Variants in SDCCAG8 observed in about 807,000 individuals in gnomAD.
The protein encoded by SDCCAG8 is SHH signaling and ciliogenesis regulator SDCCAG8.
In SDCCAG8, 74 loss-of-function variants were observed where a neutral mutation model predicts 101.8. That is an observed-to-expected ratio of 0.73 (90% CI 0.60 to 0.88). The LOEUF (loss-of-function observed/expected upper bound fraction) is 0.88, where lower values mean the gene tolerates loss of function less well. Among genes scored for constraint, SDCCAG8 ranks in the 40% least tolerant of loss-of-function variants. The pLI, the probability that SDCCAG8 is intolerant of heterozygous loss-of-function variation, is 0.00. For missense variants in SDCCAG8, 787 were observed against 822.6 expected (o/e 0.96, Z 0.53); for synonymous variants, 281 against 292.9 (o/e 0.96, Z 0.41).
At chr1:243,492,672 G>A (rs1666853399) in intron 17 of SDCCAG8, among the ~76,000 whole-genome samples, 1 of 138,702 alleles carries the variant, frequency 7.2e-6, no homozygotes, top group Non-Finnish European at 1.5e-5. Flanking sequence ...CAATGGCATG[G>A]TCTTGGCCTA....
rs147657236 is a variant in SDCCAG8, at chr1:243,318,885, C to T, written c.1068+1992C>T. Among the ~76,000 whole-genome samples the T allele has an allele frequency of 4.9e-3, 744 of 152,278 alleles. 1 individual carries two copies. The highest frequency in any genetic ancestry group is 0.017 in the African/African-American group (698 of 41,538). On this transcript the variant is annotated intron_variant, in intron 9 of 17. Transcript: ENST00000366541. Reference sequence around the variant, plus strand: ...CTATTCCTCTTTGAAATTAAGCTACCGCTCTGTGTTAATCTGTTTTGCATT... The same window carrying T: ...CTATTCCTCTTTGAAATTAAGCTACTGCTCTGTGTTAATCTGTTTTGCATT...
intron 5 of SDCCAG8, among the ~76,000 whole-genome samples, chr1:243,291,599 T>C (rs1343372406): frequency 1.3e-5 from 2 of 152,226 alleles, no homozygotes; most frequent in African/African-American, 4.8e-5. Flanking sequence ...TGAAGATAAA[T>C]ATTTTTCTGG....
intron 16 of SDCCAG8, among the ~76,000 whole-genome samples, chr1:243,479,858 T>G (rs1663123449): frequency 6.6e-6 from 1 of 152,138 alleles, no homozygotes; most frequent in African/African-American, 2.4e-5. Flanking sequence ...TGAATTAGAA[T>G]GTACCAGTGG....
chr1:243,472,397 C>T (rs1046768800), intron 16 of SDCCAG8, among the ~76,000 whole-genome samples: 1 of 152,158 alleles, frequency 6.6e-6, no homozygotes, highest in Non-Finnish European at 1.5e-5. Context: ...TTGTCTGTTT[C>T]TAAGTCCAGG....
chr1:243,381,692 T>C (rs1297349071), intron 13 of SDCCAG8, among the ~76,000 whole-genome samples: 1 of 152,204 alleles, frequency 6.6e-6, no homozygotes, highest in African/African-American at 2.4e-5. Flanking sequence ...GCACCTACTA[T>C]GTTTTAAGTA....
intron 13 of SDCCAG8, among the ~76,000 whole-genome samples, chr1:243,388,267 A>G (rs1268806951): frequency 2.6e-5 from 4 of 152,218 alleles, no homozygotes; most frequent in Admixed American, 6.5e-5. Context: ...TCATACCATG[A>G]AGTAAAACAT....
intron 16 of SDCCAG8, among the ~76,000 whole-genome samples, chr1:243,435,822 A>G (rs1161518466): frequency 6.6e-6 from 1 of 151,940 alleles, no homozygotes. Context: ...GGATATATCT[A>G]TCTAGTTGCT....
chr1:243,475,855 T>C lies in SDCCAG8; in HGVS notation c.1986-13159T>C, dbSNP rs553573759. 3 of 704,272 alleles carry C rather than the reference T, an allele frequency of 4.3e-6. No homozygotes were observed. In the Admixed American group the frequency reaches 1.9e-4, roughly 44 times the overall value. 43.6% of individuals were successfully genotyped at this position (704,272 alleles called of 1,614,324 possible). On this transcript the variant is annotated intron_variant, in intron 16 of 17. Transcript: ENST00000366541. Reference sequence around the variant, plus strand: ...GTGTTGGAAGCCTAGACTGGTTCTCTTGCCACTCCTCAAAAAGCAAAATTT... The same window carrying C: ...GTGTTGGAAGCCTAGACTGGTTCTCCTGCCACTCCTCAAAAAGCAAAATTT...
chr1:243,404,754 T>C (rs889633188), intron 13 of SDCCAG8, among the ~76,000 whole-genome samples: 4 of 152,174 alleles, frequency 2.6e-5, no homozygotes, highest in Non-Finnish European at 4.4e-5. Flanking sequence ...GTAATTTCTG[T>C]ATACATGCAC....
At position 243,416,829 on chromosome 1, in the gene SDCCAG8, C is replaced by T. The variant is rs1037391652; in HGVS notation, c.1744+1000C>T. ...AAAACAAAAGTTTAATTGATCCTGT[C>T]TCTTCCAGAAAAATGTTGCTTAATT... On this transcript the variant is annotated intron_variant, in intron 14 of 17. Coordinates refer to ENST00000366541, the MANE Select transcript of SDCCAG8 (RefSeq NM_006642.5). This position sits in a 1 kb window ranked among gnomAD's most constrained non-coding sequence, Gnocchi z 4.3. Among the ~76,000 whole-genome samples the T allele has an allele frequency of 4.6e-5, 7 of 152,188 alleles. No individual in the cohort carries two copies. Among genetic ancestry groups the T allele is most frequent in the African/African-American group, 1.7e-4 (7 of 41,454 alleles).
chr1:243,256,452 C>T (rs1305215992), intron 1 of SDCCAG8, among the ~76,000 whole-genome samples: 2 of 152,216 alleles, frequency 1.3e-5, no homozygotes, highest in East Asian at 3.8e-4. Flanking sequence ...CCGTAGTTAC[C>T]TCAATCAACT....
intron 16 of SDCCAG8, among the ~76,000 whole-genome samples, chr1:243,446,933 T>C (rs1000037311): frequency 6.6e-6 from 1 of 152,052 alleles, no homozygotes; most frequent in Non-Finnish European, 1.5e-5. Flanking sequence ...TAGCTTCAAA[T>C]GGGTTTAGGA....
chr1:243,456,702 A>G (rs2083784594), intron 16 of SDCCAG8, among the ~76,000 whole-genome samples: 1 of 152,090 alleles, frequency 6.6e-6, no homozygotes, highest in African/African-American at 2.4e-5. Flanking sequence ...GTAAAGGGGT[A>G]GGGGATTATT....
intron 12 of SDCCAG8, among the ~76,000 whole-genome samples, chr1:243,345,159 T>C (rs1054756734): frequency 6.6e-6 from 1 of 152,234 alleles, no homozygotes; most frequent in Non-Finnish European, 1.5e-5. Context: ...TTTTCAAATA[T>C]GTTTCTAGTT....
chr1:243,460,749 T>G (rs1279371629), intron 16 of SDCCAG8, among the ~76,000 whole-genome samples: 1 of 152,172 alleles, frequency 6.6e-6, no homozygotes, highest in Non-Finnish European at 1.5e-5. Context: ...AGTCCCCAGC[T>G]TCCCTCTCCC....
intron 1 of SDCCAG8, chr1:243,267,583 C>T: frequency 2.0e-6 from 1 of 505,444 alleles, no homozygotes; most frequent in Non-Finnish European, 3.6e-6. Context: ...GCCTGGGCGA[C>T]AAGAGCCAAA....
At chr1:243,434,862 A>G (rs925706407) in intron 16 of SDCCAG8, among the ~76,000 whole-genome samples, 1 of 152,178 alleles carries the variant, frequency 6.6e-6, no homozygotes, top group African/African-American at 2.4e-5. Context: ...CAGGCTGTGC[A>G]TTTACCTTAG....
At chr1:243,489,995 G>A (rs1665997562) in intron 17 of SDCCAG8, among the ~76,000 whole-genome samples, 1 of 152,222 alleles carries the variant, frequency 6.6e-6, no homozygotes, top group African/African-American at 2.4e-5. Flanking sequence ...TGGTCCGTGG[G>A]CTGACCAAGG....
At chr1:243,419,479 T>A (rs1215749763) in intron 15 of SDCCAG8, among the ~76,000 whole-genome samples, 1 of 152,136 alleles carries the variant, frequency 6.6e-6, no homozygotes, top group Non-Finnish European at 1.5e-5. Flanking sequence ...ATGTATTAGG[T>A]CTAAAATTGG....
Sources: gnomAD v4.1 joint callset for allele counts (sites outside exome capture counted in the v4.1 genomes callset) on GRCh38, gnomAD v4.1.1 for gene constraint, Gnocchi (gnomAD v3.1) non-coding constraint, MANE v1.5 for transcripts, NCBI Gene and HGNC (gene_info 2026-07-23, HGNC 2026-07-21) for gene names.